The following STX8 variants were observed in gnomAD, a reference collection of about 807,000 sequenced individuals.
STX8 encodes the protein syntaxin-8.
In STX8, 23 loss-of-function variants were observed where a neutral mutation model predicts 37.5. The observed-to-expected ratio is 0.61, with a 90% CI of 0.44 to 0.87. The LOEUF (loss-of-function observed/expected upper bound fraction) is 0.87, where lower values mean the gene tolerates loss of function less well. Among genes scored for constraint, STX8 ranks in the 40% least tolerant of loss-of-function variants. STX8 has a pLI of 0.00. For synonymous variants in STX8, 115 were observed against 99.1 expected, an observed-to-expected ratio of 1.16 and a Z score of -0.95; for missense variants, 313 against 284.7, an observed-to-expected ratio of 1.10 and a Z score of -0.71.
At chr17:9,503,163 A>C (rs1262812978) in intron 5 of STX8, among the ~76,000 whole-genome samples, 1 of 151,092 alleles carries the variant, frequency 6.6e-6, no homozygotes, top group Non-Finnish European at 1.5e-5. Flanking sequence ...AGTTCAATGA[A>C]TCTTAAAATA....
chr17:9,372,315 G>T (rs1405331195), intron 7 of STX8, among the ~76,000 whole-genome samples: 1 of 152,052 alleles, frequency 6.6e-6, no homozygotes, highest in East Asian at 1.9e-4. Flanking sequence ...TACTCTGAGG[G>T]TGTAGCTCTT....
intron 6 of STX8, among the ~76,000 whole-genome samples, chr17:9,397,283 C>T (rs1305174111): frequency 6.6e-6 from 1 of 152,188 alleles, no homozygotes; most frequent in Non-Finnish European, 1.5e-5. Flanking sequence ...GTAATCTCAG[C>T]TACTCAGGAG....
intron 6 of STX8, among the ~76,000 whole-genome samples, chr17:9,452,994 C>T (rs1219240062): frequency 8.6e-5 from 13 of 151,960 alleles, no homozygotes; most frequent in Admixed American, 7.9e-4. Context: ...TTAGTAGAGA[C>T]GGGGTTTCAT....
At chr17:9,270,365 A>C (rs534979089) in intron 7 of STX8, among the ~76,000 whole-genome samples, 2 of 151,784 alleles carry the variant, frequency 1.3e-5, no homozygotes, top group African/African-American at 4.8e-5. Context: ...CTCCTCCCTC[A>C]GCCTCCCAAG....
chr17:9,366,086 C>T (rs1911222023), intron 7 of STX8, among the ~76,000 whole-genome samples: 1 of 152,190 alleles, frequency 6.6e-6, no homozygotes, highest in African/African-American at 2.4e-5. Flanking sequence ...GCCTGCCTAG[C>T]TTCATTTTCC....
chr17:9,471,653 A>G (rs1183370410), intron 6 of STX8, among the ~76,000 whole-genome samples: 2 of 152,014 alleles, frequency 1.3e-5, no homozygotes, highest in African/African-American at 4.8e-5. Flanking sequence ...CAGGGTGCCT[A>G]TGTGACCAAG....
intron 7 of STX8, among the ~76,000 whole-genome samples, chr17:9,359,593 C>T (rs1487022190): frequency 4.7e-5 from 7 of 149,778 alleles, no homozygotes; most frequent in African/African-American, 7.4e-5. Flanking sequence ...CTGCAAGCTC[C>T]GCCTCCCACG....
intron 2 of STX8, among the ~76,000 whole-genome samples, chr17:9,563,031 A>C (rs1907306091): frequency 6.6e-6 from 1 of 152,190 alleles, no homozygotes; most frequent in Admixed American, 6.5e-5. Context: ...ACATCTACGC[A>C]ATAGAGTACC....
intron 6 of STX8, among the ~76,000 whole-genome samples, chr17:9,397,233 T>TA (rs1269401697): frequency 6.6e-6 from 1 of 152,066 alleles, no homozygotes; most frequent in Non-Finnish European, 1.5e-5. Context: ...CCGTCTCTAC[T>TA]AAAAATACAA....
chr17:9,490,836 T>A (rs1906823104), intron 6 of STX8, among the ~76,000 whole-genome samples: 1 of 152,322 alleles, frequency 6.6e-6, no homozygotes, highest in African/African-American at 2.4e-5. Flanking sequence ...GGAGTTTAGC[T>A]CTGTCACTCA....
At chr17:9,407,042 A>G (rs2142327955) in intron 6 of STX8, among the ~76,000 whole-genome samples, 1 of 152,326 alleles carries the variant, frequency 6.6e-6, no homozygotes, top group African/African-American at 2.4e-5. Context: ...ATTAAATTTT[A>G]AAAAATTAAG....
chr17:9,360,337 C>G (rs368713078), intron 7 of STX8, among the ~76,000 whole-genome samples: 2 of 146,180 alleles, frequency 1.4e-5, no homozygotes, highest in African/African-American at 2.5e-5. Flanking sequence ...CGGGTTCAAG[C>G]GATTCTCCTG....
At chr17:9,518,587 A>G (rs574744638) in intron 4 of STX8, among the ~76,000 whole-genome samples, 5 of 152,268 alleles carry the variant, frequency 3.3e-5, no homozygotes, top group Middle Eastern at 3.4e-3. Context: ...AGATGCTAGC[A>G]GCCAGGCGTG....
chr17:9,359,699 A>G lies in STX8; in HGVS notation c.643+18853T>C, dbSNP rs564748360. Among the ~76,000 whole-genome samples, 13 of 151,850 alleles carry G rather than the reference A, an allele frequency of 8.6e-5. No individual in the cohort carries two copies. The South Asian group carries it at 1.7e-3, about 19-fold the overall frequency. On this transcript the variant is annotated intron_variant, in intron 7 of 7. Transcript: ENST00000306357. Reference sequence around the variant, plus strand: ...ATATTTTTGTATTTTTAGTAGAGACAGGGTTTCACCGTGTTAGCCAGGATG... The same window carrying G: ...ATATTTTTGTATTTTTAGTAGAGACGGGGTTTCACCGTGTTAGCCAGGATG...
chr17:9,569,195 G>C (rs1907584295), intron 1 of STX8, among the ~76,000 whole-genome samples: 1 of 152,218 alleles, frequency 6.6e-6, no homozygotes, highest in Non-Finnish European at 1.5e-5. Flanking sequence ...CTGGGCACTG[G>C]AGAAGACGGC....
intron 6 of STX8, among the ~76,000 whole-genome samples, chr17:9,441,738 C>A (rs1388418081): frequency 2.1e-5 from 3 of 142,250 alleles, no homozygotes; most frequent in Non-Finnish European, 4.5e-5. Context: ...TGCAGTGGCG[C>A]GATCTCAGCT....
chr17:9,535,423 A>AC (rs1330043645), intron 4 of STX8, among the ~76,000 whole-genome samples: 4 of 41,118 alleles, frequency 9.7e-5, no homozygotes, highest in African/African-American at 1.9e-4. Flanking sequence ...CAGCCATCCT[A>AC]CTTTTTTTTT....
intron 7 of STX8, among the ~76,000 whole-genome samples, chr17:9,333,815 G>T (rs919679652): frequency 2.6e-5 from 4 of 152,142 alleles, no homozygotes; most frequent in Non-Finnish European, 4.4e-5. Context: ...AAATTTTTCA[G>T]ACTGCCTAAC....
intron 7 of STX8, among the ~76,000 whole-genome samples, chr17:9,375,085 AAGAAGAATTT>A (rs1911538917): frequency 1.4e-5 from 2 of 146,524 alleles, no homozygotes; most frequent in African/African-American, 5.4e-5. Context: ...AAAAAAAAAA[AAGAAGAATTT>A]TCTTTTTTCA....
Sources: gnomAD v4.1 joint callset for allele counts (sites outside exome capture counted in the v4.1 genomes callset) on GRCh38, gnomAD v4.1.1 for gene constraint, MANE v1.5 for transcripts, NCBI Gene and HGNC (gene_info 2026-07-23, HGNC 2026-07-21) for gene names.